Variants in INPP4B observed in about 807,000 individuals in gnomAD.
INPP4B encodes the protein inositol polyphosphate-4-phosphatase type II B.
A neutral mutation model predicts 122.5 loss-of-function variants in INPP4B; 55 were observed. The observed-to-expected ratio is 0.45, with a 90% confidence interval of 0.36 to 0.56. INPP4B has a LOEUF of 0.56. Among genes scored for constraint, INPP4B ranks in the 20% least tolerant of loss-of-function variants. INPP4B has a pLI of 0.00. For missense variants in INPP4B, 1,000 were observed against 1,097.7 expected (o/e 0.91, Z 1.26); for synonymous variants, 403 against 388.7 (o/e 1.04, Z -0.43).
chr4:142,759,825 T>TAAAAA (rs70949188), intron 1 of INPP4B, among the ~76,000 whole-genome samples: 965 of 70,026 alleles, frequency 0.014, 12 homozygotes, highest in South Asian at 0.029. Flanking sequence ...GAGCTTTTTC[T>TAAAAA]AAAAAAAAAA....
intron 9 of INPP4B, among the ~76,000 whole-genome samples, chr4:142,295,064 A>C (rs899288647): frequency 1.3e-5 from 2 of 152,088 alleles, no homozygotes; most frequent in East Asian, 3.9e-4. Context: ...CTTGGGCTAC[A>C]TTTAGGGTAC....
At chr4:142,494,496 T>C (rs1822277840) in intron 2 of INPP4B, among the ~76,000 whole-genome samples, 1 of 152,144 alleles carries the variant, frequency 6.6e-6, no homozygotes, top group Non-Finnish European at 1.5e-5. Flanking sequence ...AGAACCTACT[T>C]TAGCTTTCCT....
intron 5 of INPP4B, chr4:142,426,922 C>T (rs1808208541): frequency 6.6e-6 from 1 of 151,916 alleles, no homozygotes; most frequent in South Asian, 2.1e-4. Flanking sequence ...CTCTTCCTTA[C>T]TGAATTTCTT....
At chr4:142,308,049 T>C (rs954369374) in intron 8 of INPP4B, among the ~76,000 whole-genome samples, 2 of 152,176 alleles carry the variant, frequency 1.3e-5, no homozygotes, top group African/African-American at 4.8e-5. Flanking sequence ...TCATTGAATG[T>C]TTCTCCTGTT....
intron 2 of INPP4B, among the ~76,000 whole-genome samples, chr4:142,470,490 C>T (rs191851703): frequency 2.6e-5 from 4 of 152,246 alleles, no homozygotes; most frequent in Admixed American, 2.0e-4. Flanking sequence ...TCTAAGAACT[C>T]TAAAAGTGTT....
chr4:142,806,135 C>T (rs1176671631), intron 1 of INPP4B, among the ~76,000 whole-genome samples: 2 of 151,666 alleles, frequency 1.3e-5, no homozygotes, highest in African/African-American at 4.8e-5. Context: ...AGAAATAAGC[C>T]GGGCATGGTG....
intron 17 of INPP4B, among the ~76,000 whole-genome samples, chr4:142,153,498 A>G (rs556407811): frequency 6.6e-6 from 1 of 152,340 alleles, no homozygotes; most frequent in South Asian, 2.1e-4. Flanking sequence ...TATTCATTAT[A>G]CACAGGCACA....
intron 2 of INPP4B, among the ~76,000 whole-genome samples, chr4:142,693,056 T>C (rs1177095991): frequency 6.6e-6 from 1 of 152,010 alleles, no homozygotes; most frequent in Non-Finnish European, 1.5e-5. Context: ...ACATGTTCCT[T>C]TTTGGTAGTA....
intron 2 of INPP4B, among the ~76,000 whole-genome samples, chr4:142,649,752 A>G (rs1752545446): frequency 6.6e-6 from 1 of 152,242 alleles, no homozygotes; most frequent in Non-Finnish European, 1.5e-5. Context: ...GATATATCTG[A>G]AAGTGATGGG....
intron 2 of INPP4B, among the ~76,000 whole-genome samples, chr4:142,622,049 G>A (rs942140832): frequency 6.6e-6 from 1 of 151,886 alleles, no homozygotes; most frequent in African/African-American, 2.4e-5. Flanking sequence ...TAAAGTCCAT[G>A]TGCTTAAACA....
intron 22 of INPP4B, among the ~76,000 whole-genome samples, chr4:142,111,055 C>T (rs1789769210): frequency 1.3e-5 from 2 of 152,036 alleles, no homozygotes; most frequent in Admixed American, 6.6e-5. Context: ...ATTGAATTTG[C>T]TGAGACAAAT....
intron 9 of INPP4B, among the ~76,000 whole-genome samples, chr4:142,281,013 T>A (rs765843354): frequency 2.0e-5 from 3 of 151,964 alleles, no homozygotes; most frequent in Non-Finnish European, 2.9e-5. Context: ...CAGTGATGCA[T>A]AAATCAGCTG....
At chr4:142,662,483 C>T (rs932978851) in intron 2 of INPP4B, among the ~76,000 whole-genome samples, 6 of 152,070 alleles carry the variant, frequency 3.9e-5, no homozygotes, top group African/African-American at 1.2e-4. Context: ...GTTGATGACG[C>T]GGGGAGGTGG....
At chr4:142,408,822 G>A (rs984992209) in intron 5 of INPP4B, among the ~76,000 whole-genome samples, 14 of 152,138 alleles carry the variant, frequency 9.2e-5, no homozygotes, top group African/African-American at 2.2e-4. Context: ...TAATGGCTTT[G>A]CTTAGTATTG....
At chr4:142,149,547 GA>G (rs887759239) in intron 17 of INPP4B, among the ~76,000 whole-genome samples, 4 of 149,476 alleles carry the variant, frequency 2.7e-5, no homozygotes, top group African/African-American at 9.8e-5. Context: ...AAACTAAGCA[GA>G]AAAAAAAACA....
intron 17 of INPP4B, among the ~76,000 whole-genome samples, chr4:142,155,309 A>C (rs892585545): frequency 6.6e-6 from 1 of 152,160 alleles, no homozygotes; most frequent in Non-Finnish European, 1.5e-5. Flanking sequence ...ATTAATTTTC[A>C]CAGGTACCTC....
chr4:142,561,280 C>T (rs1730410656), intron 2 of INPP4B, among the ~76,000 whole-genome samples: 1 of 152,012 alleles, frequency 6.6e-6, no homozygotes. Flanking sequence ...TTAAAAGATA[C>T]TTGAGATTAA....
In INPP4B at chr4:142,781,963, AT is replaced by A. The variant is rs959099216; in HGVS notation, c.-253-56063del. On this transcript the variant is annotated intron_variant, in intron 1 of 25. Coordinates refer to ENST00000262992, the MANE Select transcript of INPP4B (RefSeq NM_001101669.3). ...CTAACTTTTGTCTTGCTAACCTTTT[AT>A]TTTTTTTATTTTTTAATTTATTTTA... Among the ~76,000 whole-genome samples the A allele has an allele frequency of 4.7e-4, 70 of 149,432 alleles. 2 individuals carry two copies. The highest frequency in any genetic ancestry group is 3.5e-3 in the Admixed American group (53 of 15,076).
At chr4:142,105,301 T>C (rs1209246513) in intron 23 of INPP4B, among the ~76,000 whole-genome samples, 1 of 152,210 alleles carries the variant, frequency 6.6e-6, no homozygotes, top group Non-Finnish European at 1.5e-5. Context: ...TGAAAGGGCA[T>C]GTTGATTGGC....
Sources: allele counts gnomAD v4.1 joint callset (sites outside exome capture counted in the v4.1 genomes callset), GRCh38; gene constraint gnomAD v4.1.1; transcripts MANE v1.5; gene names NCBI Gene and HGNC (gene_info 2026-07-23, HGNC 2026-07-21).